The following DMD variants were observed in gnomAD, a reference collection of about 807,000 sequenced individuals.
The protein encoded by DMD is mutant dystrophin.
A neutral mutation model predicts 330.1 loss-of-function variants in DMD; 63 were observed. The observed-to-expected ratio is 0.19, with a 90% CI of 0.16 to 0.24. The LOEUF is 0.24. Among genes scored for constraint, DMD ranks in the 10% least tolerant of loss-of-function variants. The pLI is 1.00. For missense variants in DMD, 3,344 were observed against 2,684.1 expected, an observed-to-expected ratio of 1.25 and a Z score of -5.43; for synonymous variants, 1,223 against 959.8, an observed-to-expected ratio of 1.27 and a Z score of -5.07.
chrX:31,950,052 T>C (rs1050481514), intron 45 of DMD, among the ~76,000 whole-genome samples: 1 of 110,993 alleles, frequency 9.0e-6, no homozygotes, highest in African/African-American at 3.3e-5. Flanking sequence ...GCTTACTGTG[T>C]TCTTCTTTTT....
chrX:32,041,317 C>T lies in DMD; in HGVS notation c.6439-72803G>A, dbSNP rs139275724. On this transcript the variant is annotated intron_variant, in intron 44 of 78. Coordinates refer to ENST00000357033, the MANE Select transcript of DMD (RefSeq NM_004006.3). ...AATCTGTCAAGGCAGGTCTCTCCCCCCTTCCTGGTGATCTCCACAAGTGTT... is the reference window on the plus strand; with the variant it reads ...AATCTGTCAAGGCAGGTCTCTCCCCTCTTCCTGGTGATCTCCACAAGTGTT... 1.8e-4 allele frequency among the ~76,000 whole-genome samples: 20 copies of T among 111,956 alleles called. No homozygotes were observed. In the East Asian group the frequency reaches 3.4e-3, roughly 19 times the overall value.
At chrX:31,512,283 T>A (rs1177206038) in intron 55 of DMD, among the ~76,000 whole-genome samples, 8 of 107,881 alleles carry the variant, frequency 7.4e-5, no homozygotes, top group Non-Finnish European at 1.5e-4. Flanking sequence ...ATGTTGTAGG[T>A]TGCCTGTTCA....
intron 50 of DMD, among the ~76,000 whole-genome samples, chrX:31,794,276 T>A (rs983074842): frequency 9.0e-6 from 1 of 111,359 alleles, no homozygotes; most frequent in Non-Finnish European, 1.9e-5. Flanking sequence ...AGTAATATAC[T>A]ATTATTGCGG....
chrX:32,390,735 G>T (rs1322395865), intron 30 of DMD, among the ~76,000 whole-genome samples: 2 of 110,750 alleles, frequency 1.8e-5, no homozygotes, highest in Non-Finnish European at 3.8e-5. Flanking sequence ...ACCCAGCCTG[G>T]TCCCAAACTC....
intron 55 of DMD, among the ~76,000 whole-genome samples, chrX:31,517,160 C>T (rs1359225591): frequency 9.0e-6 from 1 of 111,662 alleles, no homozygotes; most frequent in African/African-American, 3.3e-5. Context: ...CATTAAGTAC[C>T]TATTGTATGT....
chrX:31,568,067 T>C (rs2147909648), intron 55 of DMD, among the ~76,000 whole-genome samples: 1 of 111,800 alleles, frequency 8.9e-6, no homozygotes, highest in Admixed American at 9.5e-5. Context: ...CTGCTTCATT[T>C]CCAAGTGTTT....
At chrX:32,702,619 T>TA (rs1232512945) in intron 7 of DMD, among the ~76,000 whole-genome samples, 1 of 111,488 alleles carries the variant, frequency 9.0e-6, no homozygotes, top group African/African-American at 3.3e-5. Context: ...AAAATTTTAT[T>TA]AAAGTAAATT....
intron 7 of DMD, among the ~76,000 whole-genome samples, chrX:32,730,426 G>A (rs1017017795): frequency 3.6e-5 from 4 of 111,960 alleles, no homozygotes; most frequent in Non-Finnish European, 5.6e-5. Context: ...AATATGTCAG[G>A]TAACACCAAA....
At chrX:33,170,539 T>C (rs1211105127) in intron 1 of DMD, among the ~76,000 whole-genome samples, 1 of 111,372 alleles carries the variant, frequency 9.0e-6, no homozygotes, top group Non-Finnish European at 1.9e-5. Flanking sequence ...ACATTACAAA[T>C]AATGAGAAAT....
At chrX:32,038,951 A>G (rs1311587050) in intron 44 of DMD, among the ~76,000 whole-genome samples, 2 of 111,518 alleles carry the variant, frequency 1.8e-5, no homozygotes, top group East Asian at 2.8e-4. Context: ...GACAGCAGAG[A>G]TAACTCCTGA....
chrX:31,274,808 A>T (rs910671693), intron 62 of DMD, among the ~76,000 whole-genome samples: 2 of 112,142 alleles, frequency 1.8e-5, no homozygotes, highest in Non-Finnish European at 3.8e-5. Context: ...TTTGCTTATC[A>T]TTTAAACTCT....
At chrX:32,572,679 G>A (rs5928020) in intron 15 of DMD, among the ~76,000 whole-genome samples, 8,216 of 109,376 alleles carry the variant, frequency 0.075, 289 homozygotes, top group Middle Eastern at 0.11. Flanking sequence ...TATAATCAAT[G>A]TCATTTGATA....
At chrX:32,383,832 C>T (rs1253323299) in intron 33 of DMD, among the ~76,000 whole-genome samples, 4 of 109,689 alleles carry the variant, frequency 3.6e-5, no homozygotes, top group African/African-American at 1.3e-4. Flanking sequence ...CGTCTAATGT[C>T]ACTTTCATTG....
intron 1 of DMD, among the ~76,000 whole-genome samples, chrX:33,204,631 T>G (rs2051463418): frequency 9.0e-6 from 1 of 111,668 alleles, no homozygotes; most frequent in African/African-American, 3.3e-5. Flanking sequence ...CTCCTTGAAA[T>G]GCTAGTCTCT....
chrX:31,497,037 G>GTACTT, intron 56 of DMD, 93 bp from the exon 57 acceptor site: 1 of 1,046,668 alleles, frequency 9.6e-7, no homozygotes, highest in Non-Finnish European at 1.3e-6. Flanking sequence ...TAAACCTATT[G>GTACTT]TGAACTACAA....
intron 42 of DMD, among the ~76,000 whole-genome samples, chrX:32,304,051 C>A (rs756322928): frequency 9.0e-6 from 1 of 111,443 alleles, no homozygotes; most frequent in South Asian, 3.7e-4. Context: ...ACTTTCTAAA[C>A]ACAGCTACGT....
chrX:32,868,358 A>G (rs1603450974), intron 2 of DMD, among the ~76,000 whole-genome samples: 1 of 111,358 alleles, frequency 9.0e-6, no homozygotes, highest in East Asian at 2.9e-4. Flanking sequence ...GGCGGCCATC[A>G]TCACTGCAGC....
At chrX:32,768,131 A>G (rs2073202472) in intron 7 of DMD, among the ~76,000 whole-genome samples, 1 of 112,117 alleles carries the variant, frequency 8.9e-6, no homozygotes, top group Non-Finnish European at 1.9e-5. Context: ...ATGACAGTTT[A>G]TTAATTTTAT....
chrX:31,922,525 T>TGTGTGTGTGTGTGTGC (rs773093542), intron 47 of DMD, among the ~76,000 whole-genome samples: 11 of 106,405 alleles, frequency 1.0e-4, no homozygotes, highest in Non-Finnish European at 7.8e-5. Context: ...TGTGTGTGTG[T>TGTGTGTGTGTGTGTGC]GCGCGCGCGT....
Sources: gnomAD v4.1 joint callset for allele counts (sites outside exome capture counted in the v4.1 genomes callset) on GRCh38, gnomAD v4.1.1 for gene constraint, MANE v1.5 for transcripts, NCBI Gene and HGNC (gene_info 2026-07-23, HGNC 2026-07-21) for gene names.